Variants in DDR2 observed in about 807,000 individuals in gnomAD.
The protein encoded by DDR2 is discoidin domain-containing receptor 2.
A neutral mutation model predicts 94.9 loss-of-function variants in DDR2; 27 were observed. That is an observed-to-expected ratio of 0.28 (90% CI 0.21 to 0.39). DDR2 has a LOEUF of 0.39. DDR2 is among the 10% of genes least tolerant of loss of function. The probability of loss-of-function intolerance (pLI) is 1.00; values close to 1 mark genes in which losing one functional copy is unlikely to be tolerated. For missense variants in DDR2, 783 were observed against 1,076.0 expected, an observed-to-expected ratio of 0.73 and a Z score of 3.81; for synonymous variants, 382 against 377.2, an observed-to-expected ratio of 1.01 and a Z score of -0.15.
chr1:162,709,948 C>G lies in DDR2; in HGVS notation c.-27-9089C>G, dbSNP rs931713968. On this transcript the variant is annotated intron_variant, in intron 2 of 17. Coordinates refer to ENST00000367921, the MANE Select transcript of DDR2 (RefSeq NM_006182.4). Reference sequence around the variant, plus strand: ...CCTTCAGTTTGCATTTTCTCTCCTTCTTCCTCCCAGTAATCAAATGAAGAC... The same window carrying G: ...CCTTCAGTTTGCATTTTCTCTCCTTGTTCCTCCCAGTAATCAAATGAAGAC... Among the ~76,000 whole-genome samples, 6 of 152,192 alleles carry G rather than the reference C, an allele frequency of 3.9e-5. No homozygotes were observed. The South Asian group carries it at 1.2e-3, about 32-fold the overall frequency.
At position 162,783,699 on chromosome 1, in the gene DDR2, T is replaced by C. The variant is rs1558086676; in HGVS notation, c.*3453T>C. On this transcript the variant is annotated 3_prime_UTR_variant, in exon 18 of 18. Transcript: ENST00000367921. ...TATTAAGAAATGAAGTCAGGTTCAGTGTATGAAATGGAAAGGAATTTTTCA... is the reference window on the plus strand; with the variant it reads ...TATTAAGAAATGAAGTCAGGTTCAGCGTATGAAATGGAAAGGAATTTTTCA... The C allele has an allele frequency of 6.6e-6, 1 of 152,142 alleles. No individual in the cohort carries two copies. The highest frequency in any genetic ancestry group is 1.5e-5 in the Non-Finnish European group (1 of 68,020). 9.4% of individuals were successfully genotyped at this position (152,142 alleles called of 1,614,324 possible). A position where few individuals can be genotyped will look rare whatever the true frequency, so the allele number is the denominator to read the frequency against.
At chr1:162,774,227 C>G (rs1375599070) in intron 14 of DDR2, among the ~76,000 whole-genome samples, 1 of 152,164 alleles carries the variant, frequency 6.6e-6, no homozygotes, top group Non-Finnish European at 1.5e-5. Flanking sequence ...TGTCTGACAG[C>G]CTTTCCATTA....
chr1:162,753,642 A>G (rs1663319862), intron 4 of DDR2, among the ~76,000 whole-genome samples: 1 of 152,140 alleles, frequency 6.6e-6, no homozygotes, highest in African/African-American at 2.4e-5. Context: ...CCAAGCATCA[A>G]GACACTGAGG....
intron 14 of DDR2, among the ~76,000 whole-genome samples, chr1:162,775,102 C>T (rs998916413): frequency 2.6e-5 from 4 of 152,030 alleles, no homozygotes; most frequent in Non-Finnish European, 5.9e-5. Flanking sequence ...GCTCTGTTTT[C>T]GACAGGCTAC....
rs1193390242 is a variant in DDR2 at position 162,761,307 on chromosome 1, A to G, written c.952A>G (p.Ile318Val). The change falls in exon 9 of 18, where the codon ATT (isoleucine) becomes GTT (valine). Residue 318 changes from isoleucine to valine, a missense_variant. By Grantham distance (29) the Ile-to-Val change is conservative. Transcript: ENST00000367921. ...SEASEWEPNAISFPLVLDDVN... is the reference protein window; with the variant it reads ...SEASEWEPNAVSFPLVLDDVN... The stretch of plus-strand genomic sequence containing the variant: ...AGCCAGTGAGTGGGAACCTAATGCC[A>G]TTTCCTTCCCCCTTGTCCTGGATGA... 1.2e-6 allele frequency: 2 copies of G among 1,614,068 alleles called. No homozygotes were observed. Among genetic ancestry groups the G allele is most frequent in the Non-Finnish European group, 1.7e-6 (2 of 1,180,004 alleles).
intron 1 of DDR2, among the ~76,000 whole-genome samples, chr1:162,640,573 A>G (rs1452796373): frequency 1.3e-5 from 2 of 152,148 alleles, no homozygotes; most frequent in African/African-American, 4.8e-5. Flanking sequence ...AAATTCTAAT[A>G]CTTTGATTCC....
At chr1:162,725,987 CTA>C (rs1661645159) in intron 3 of DDR2, among the ~76,000 whole-genome samples, 1 of 152,204 alleles carries the variant, frequency 6.6e-6, no homozygotes, top group African/African-American at 2.4e-5. Flanking sequence ...TTTGAAAAGA[CTA>C]TTAGCAGACC....
intron 2 of DDR2, among the ~76,000 whole-genome samples, chr1:162,686,167 AG>A (rs1659678455): frequency 6.6e-6 from 1 of 151,738 alleles, no homozygotes; most frequent in African/African-American, 2.4e-5. Flanking sequence ...CTGGGATTAC[AG>A]GTGCCCGGCA....
At chr1:162,648,951 G>A (rs971568659) in intron 1 of DDR2, among the ~76,000 whole-genome samples, 6 of 152,156 alleles carry the variant, frequency 3.9e-5, no homozygotes, top group African/African-American at 1.4e-4. Context: ...GGCTCTGGAA[G>A]AGACTAGGAC....
intron 2 of DDR2, among the ~76,000 whole-genome samples, chr1:162,708,186 C>A (rs75022255): frequency 0.038 from 5,732 of 152,266 alleles, 177 homozygotes; most frequent in East Asian, 0.15. Flanking sequence ...GGCAGACAGA[C>A]CCTGCCTGGT....
chr1:162,744,072 G>A (rs1662734935), intron 3 of DDR2, among the ~76,000 whole-genome samples: 1 of 152,154 alleles, frequency 6.6e-6, no homozygotes, highest in Non-Finnish European at 1.5e-5. Flanking sequence ...GAATAGCAAG[G>A]CATGATCTAG....
chr1:162,775,029 A>C (rs139875836), intron 14 of DDR2, among the ~76,000 whole-genome samples: 83 of 152,278 alleles, frequency 5.5e-4, no homozygotes, highest in African/African-American at 1.9e-3. Context: ...GTACTCAAAC[A>C]ATTATTAGTC....
In DDR2 at chr1:162,727,981, A is replaced by G. The variant is rs1436982600; in HGVS notation, c.82+8836A>G. ...TATATCTATATATATATATATAGAT[A>G]TAATCACACTATATATATCTATATA... On this transcript the variant is annotated intron_variant, in intron 3 of 17. Coordinates refer to ENST00000367921, the MANE Select transcript of DDR2 (RefSeq NM_006182.4). Among the ~76,000 whole-genome samples, 5 of 142,788 alleles carry G rather than the reference A, an allele frequency of 3.5e-5. No homozygotes were observed. In the East Asian group the frequency reaches 1.0e-3, roughly 29 times the overall value. 93.7% of individuals were successfully genotyped at this position (142,788 alleles called of 152,430 possible).
At chr1:162,655,931 C>G (rs1214898840) in intron 2 of DDR2, among the ~76,000 whole-genome samples, 2 of 152,124 alleles carry the variant, frequency 1.3e-5, no homozygotes, top group African/African-American at 4.8e-5. Flanking sequence ...TGTAAGAAAA[C>G]CTAGCCCAGG....
chr1:162,752,482 G>T (rs185975765), intron 3 of DDR2, among the ~76,000 whole-genome samples: 7 of 152,070 alleles, frequency 4.6e-5, no homozygotes, highest in African/African-American at 1.7e-4. Context: ...GTCCTTTTTG[G>T]TTGTTTCACA....
chr1:162,758,906 G>A (rs987878362), intron 7 of DDR2, among the ~76,000 whole-genome samples: 10 of 152,208 alleles, frequency 6.6e-5, no homozygotes, highest in African/African-American at 2.4e-4. Flanking sequence ...CCACATGATG[G>A]TTTTTGCTCT....
intron 1 of DDR2, among the ~76,000 whole-genome samples, chr1:162,646,041 A>AT (rs1558002696): frequency 6.6e-6 from 1 of 152,234 alleles, no homozygotes; most frequent in African/African-American, 2.4e-5. Context: ...GAACTGCCTC[A>AT]TGCCATGCAA....
chr1:162,754,640 G>T lies in DDR2; in HGVS notation c.202G>T (p.Gly68Trp). ...AKYGRLDSEE[G>W]DGAWCPEIPV... is the part of the protein sequence containing the mutation. ...CCTCTCAAGGCTGGACTCAGAAGAA[G>T]GGGATGGAGCCTGGTGCCCTGAGAT... is the stretch of plus-strand genomic sequence containing the variant. Residue 68 changes from glycine (G) to tryptophan (W), a missense_variant, in exon 5 of 18, where the codon GGG becomes TGG. Gly to Trp is a radical substitution (Grantham distance 184). Around this residue, in one of 2 missense-constraint regions of DDR2, gnomAD observed 519 missense variants for 647.9 expected, o/e 0.80. Transcript: ENST00000367921. The T allele has an allele frequency of 6.2e-7, 1 of 1,614,140 alleles. No homozygotes were observed. Among genetic ancestry groups the T allele is most frequent in the Non-Finnish European group, 8.5e-7 (1 of 1,180,006 alleles).
At chr1:162,741,209 C>CAATATAATAT (rs1553250264) in intron 3 of DDR2, among the ~76,000 whole-genome samples, 2,391 of 68,788 alleles carry the variant, frequency 0.035, 147 homozygotes, top group Admixed American at 0.084. Context: ...CAATACAATA[C>CAATATAATAT]AATATAATAT....
Sources: gnomAD v4.1 joint callset for allele counts (sites outside exome capture counted in the v4.1 genomes callset) on GRCh38, gnomAD v4.1.1 for gene constraint, gnomAD v4.1.1 regional missense constraint, MANE v1.5 for transcripts, NCBI Gene and HGNC (gene_info 2026-07-23, HGNC 2026-07-21) for gene names.